RASGRP1: variants seen among roughly 807,000 people sequenced by gnomAD.
The protein encoded by RASGRP1 is RAS guanyl-releasing protein 1.
A neutral mutation model predicts 95.1 loss-of-function variants in RASGRP1; 37 were observed. That is an observed-to-expected ratio of 0.39 (90% CI 0.30 to 0.51). The LOEUF (loss-of-function observed/expected upper bound fraction) is 0.51, where lower values mean the gene tolerates loss of function less well. Ranked by LOEUF, RASGRP1 falls within the 20% of genes least tolerant of loss-of-function variation. The pLI, the probability that RASGRP1 is intolerant of heterozygous loss-of-function variation, is 0.80. For missense variants in RASGRP1, 711 were observed against 965.4 expected (o/e 0.74, Z 3.49); for synonymous variants, 325 against 353.4 (o/e 0.92, Z 0.90).
rs1200829567 is a variant in RASGRP1, at chr15:38,516,207, C to A, written c.665G>T (p.Arg222Leu). The change falls in exon 6 of 17, where the codon CGG becomes CTG. Residue 222 changes from arginine to leucine, a missense_variant. Arg to Leu is a moderately radical substitution (Grantham distance 102). This residue lies in a region of RASGRP1 where 491 missense variants were observed against 676.6 expected (regional missense o/e 0.73). Transcript: ENST00000310803. ...HLTYLEFKSF[R>L]RISFSDYQNY... is the part of the protein sequence containing the mutation. The stretch of plus-strand genomic sequence containing the variant: ...CCCTTGCATACATACCGATATCCTC[C>A]GGAAAGACTTGAACTCAAGGTAGGT... The A allele has an allele frequency of 6.3e-7, 1 of 1,595,024 alleles. No individual in the cohort carries two copies. Among genetic ancestry groups the A allele is most frequent in the Admixed American group, 1.7e-5 (1 of 59,926 alleles).
At chr15:38,560,938 T>G (rs548841392) in intron 1 of RASGRP1, among the ~76,000 whole-genome samples, 2 of 152,318 alleles carry the variant, frequency 1.3e-5, no homozygotes, top group African/African-American at 2.4e-5. Flanking sequence ...TGCGAAATGA[T>G]TTGGGAAGTT....
intron 9 of RASGRP1, among the ~76,000 whole-genome samples, chr15:38,506,635 C>CAAA (rs370153317): frequency 1.1e-3 from 77 of 71,460 alleles, no homozygotes; most frequent in East Asian, 2.3e-3. Context: ...ACCTTGTCTC[C>CAAA]AAAAAAAAAA....
At chr15:38,549,118 A>T (rs1893226671) in intron 2 of RASGRP1, among the ~76,000 whole-genome samples, 1 of 152,180 alleles carries the variant, frequency 6.6e-6, no homozygotes, top group South Asian at 2.1e-4. Flanking sequence ...GCCCCTCAGA[A>T]ATGGCAGTAA....
At chr15:38,497,010 C>T (rs991394815) in intron 15 of RASGRP1, among the ~76,000 whole-genome samples, 4 of 152,266 alleles carry the variant, frequency 2.6e-5, no homozygotes, top group South Asian at 2.1e-4. Context: ...ATGGTACATA[C>T]GTGTTAAGCC....
At chr15:38,519,048 AC>A (rs1891896913) in intron 4 of RASGRP1, among the ~76,000 whole-genome samples, 1 of 152,230 alleles carries the variant, frequency 6.6e-6, no homozygotes, top group South Asian at 2.1e-4. Flanking sequence ...ATAATTAAGA[AC>A]AAAAATAAAG....
At chr15:38,539,547 CGTTTTT>C (rs926343041) in intron 2 of RASGRP1, among the ~76,000 whole-genome samples, 2 of 73,920 alleles carry the variant, frequency 2.7e-5, no homozygotes, top group African/African-American at 2.9e-4. Context: ...CCTGCATTGC[CGTTTTT>C]TTTTTTGTTT....
intron 6 of RASGRP1, among the ~76,000 whole-genome samples, chr15:38,515,612 C>G (rs912048798): frequency 1.3e-5 from 2 of 152,068 alleles, no homozygotes; most frequent in Non-Finnish European, 2.9e-5. Flanking sequence ...GTCAGCACAG[C>G]TTATCTCTAG....
At chr15:38,515,208 C>T (rs920889558) in intron 6 of RASGRP1, among the ~76,000 whole-genome samples, 1 of 152,202 alleles carries the variant, frequency 6.6e-6, no homozygotes, top group Non-Finnish European at 1.5e-5. Context: ...GTAGTCCTAG[C>T]CCCAGCTTTG....
At chr15:38,540,404 A>C (rs1415772107) in intron 2 of RASGRP1, among the ~76,000 whole-genome samples, 2 of 152,246 alleles carry the variant, frequency 1.3e-5, no homozygotes, top group Admixed American at 1.3e-4. Context: ...ACTAATGATA[A>C]ACACAAAACA....
At chr15:38,501,016 T>C in intron 13 of RASGRP1, 127 bp downstream of exon 13, 1 of 1,121,232 alleles carries the variant, frequency 8.9e-7, no homozygotes, top group Non-Finnish European at 1.2e-6. Flanking sequence ...AGCTCTAGGT[T>C]ATTCTAGGTG....
intron 10 of RASGRP1, among the ~76,000 whole-genome samples, 162 bp downstream of exon 10, chr15:38,505,678 A>G (rs1327733474): frequency 6.6e-6 from 1 of 152,222 alleles, no homozygotes; most frequent in Non-Finnish European, 1.5e-5. Context: ...TTCCTCAGAC[A>G]TATGTTGAAA....
intron 2 of RASGRP1, among the ~76,000 whole-genome samples, chr15:38,546,662 C>T (rs2141176810): frequency 6.6e-6 from 1 of 152,290 alleles, no homozygotes; most frequent in South Asian, 2.1e-4. Flanking sequence ...TACTATGTGT[C>T]AGCATTAGGA....
chr15:38,522,291 A>T (rs1377893176), intron 3 of RASGRP1, among the ~76,000 whole-genome samples: 1 of 152,218 alleles, frequency 6.6e-6, no homozygotes, highest in African/African-American at 2.4e-5. Flanking sequence ...AATCTTTTAT[A>T]TTATTAACCA....
rs183477848 is a variant in RASGRP1 at position 38,489,546 on chromosome 15, A to G, written c.*1008T>C. On this transcript the variant is annotated 3_prime_UTR_variant, in exon 17 of 17. Coordinates refer to ENST00000310803, the MANE Select transcript of RASGRP1 (RefSeq NM_005739.4). ...TGCATGCCTGATATTGTATATACAT[A>G]TTATATACATATGTACACACAGTCA... is the stretch of plus-strand genomic sequence containing the variant. The G allele has an allele frequency of 6.6e-6, 1 of 152,640 alleles. No individual in the cohort carries two copies. Among genetic ancestry groups the G allele is most frequent in the East Asian group, 1.9e-4 (1 of 5,186 alleles). 9.5% of individuals were successfully genotyped at this position (152,640 alleles called of 1,614,324 possible).
At chr15:38,516,582 CA>C (rs1891796349) in intron 5 of RASGRP1, among the ~76,000 whole-genome samples, 2 of 151,966 alleles carry the variant, frequency 1.3e-5, no homozygotes, top group Non-Finnish European at 2.9e-5. Context: ...CAGTTGGGTA[CA>C]GGATAAATGA....
chr15:38,556,732 G>A (rs567070322), intron 2 of RASGRP1, among the ~76,000 whole-genome samples: 48 of 152,268 alleles, frequency 3.2e-4, no homozygotes, highest in Non-Finnish European at 5.4e-4. Context: ...AAATGTATAC[G>A]AAAATAGCCA....
Position 38,500,155 on chromosome 15 carries a change from C to A in RASGRP1, c.1684-16G>T, listed in dbSNP as rs1595823675. 1.2e-6 allele frequency: 2 copies of A among 1,612,616 alleles called. No individual in the cohort carries two copies. The highest frequency in any genetic ancestry group is 4.5e-5 in the East Asian group (2 of 44,878). ...CTCCCCAGAGCTATGAAACAAGAGA[C>A]AGAATGCACCACATGTCATTCATCC... On this transcript the variant is annotated splice_polypyrimidine_tract_variant and intron_variant, in intron 13 of 16. Coordinates refer to ENST00000310803, the MANE Select transcript of RASGRP1 (RefSeq NM_005739.4).
chr15:38,564,207 G>A (rs934352208), intron 1 of RASGRP1, among the ~76,000 whole-genome samples: 2 of 152,216 alleles, frequency 1.3e-5, no homozygotes, highest in Non-Finnish European at 1.5e-5. Context: ...GGCGCAGCCG[G>A]AGCCCAGCGC....
intron 2 of RASGRP1, among the ~76,000 whole-genome samples, chr15:38,555,549 C>T (rs914502960): frequency 6.6e-6 from 1 of 152,126 alleles, no homozygotes; most frequent in Non-Finnish European, 1.5e-5. Flanking sequence ...CAAGTGGCTG[C>T]TAGGGGTAGG....
Sources: gnomAD v4.1 joint callset for allele counts (sites outside exome capture counted in the v4.1 genomes callset) on GRCh38, gnomAD v4.1.1 for gene constraint, gnomAD v4.1.1 regional missense constraint, MANE v1.5 for transcripts, NCBI Gene and HGNC (gene_info 2026-07-23, HGNC 2026-07-21) for gene names.